The following JAKMIP2 variants were observed in gnomAD, a reference collection of about 807,000 sequenced individuals.
JAKMIP2 encodes the protein janus kinase and microtubule-interacting protein 2.
In JAKMIP2, 25 loss-of-function variants were observed where a neutral mutation model predicts 115.0. That is an observed-to-expected ratio of 0.22 (90% CI 0.16 to 0.30). The LOEUF (loss-of-function observed/expected upper bound fraction) is 0.30. Among genes scored for constraint, JAKMIP2 ranks in the 10% least tolerant of loss-of-function variants. The probability of loss-of-function intolerance (pLI) is 1.00; values close to 1 mark genes in which losing one functional copy is unlikely to be tolerated. For missense variants in JAKMIP2, 642 were observed against 957.6 expected (o/e 0.67, Z 4.35); for synonymous variants, 334 against 343.6 (o/e 0.97, Z 0.31).
At chr5:147,722,507 G>C (rs1753353870) in intron 1 of JAKMIP2, among the ~76,000 whole-genome samples, 2 of 152,130 alleles carry the variant, frequency 1.3e-5, no homozygotes, top group Admixed American at 1.3e-4. Context: ...GCACCAATGA[G>C]TTCCAAAATG....
At chr5:147,688,877 A>G (rs368647825) in intron 1 of JAKMIP2, among the ~76,000 whole-genome samples, 199 of 152,354 alleles carry the variant, frequency 1.3e-3, no homozygotes, top group African/African-American at 4.6e-3. Flanking sequence ...AATAAATAAA[A>G]CAGACATACA....
intron 10 of JAKMIP2, among the ~76,000 whole-genome samples, chr5:147,637,437 A>ATTTTTTTTGTTTTTTTTTTTTTTTTTTTT (rs1757673004): frequency 1.3e-5 from 1 of 79,340 alleles, no homozygotes; most frequent in African/African-American, 4.3e-5. Flanking sequence ...AATTCTTTTG[A>ATTTTTTTTGTTTTTTTTTTTTTTTTTTTT]TTTTTTTTTT....
intron 2 of JAKMIP2, among the ~76,000 whole-genome samples, chr5:147,666,850 AG>A (rs1201574753): frequency 1.3e-5 from 2 of 152,176 alleles, no homozygotes; most frequent in Admixed American, 6.5e-5. Flanking sequence ...AAAGCTCTTT[AG>A]AAAAGCTGGA....
At chr5:147,693,372 C>T (rs954855773) in intron 1 of JAKMIP2, among the ~76,000 whole-genome samples, 1 of 152,200 alleles carries the variant, frequency 6.6e-6, no homozygotes, top group Non-Finnish European at 1.5e-5. Context: ...AACCTCCATA[C>T]ATTTTCACCA....
chr5:147,671,669 C>G lies in JAKMIP2; in HGVS notation c.129+9G>C, dbSNP rs1759598150. 1 of 1,417,728 alleles carries G rather than the reference C, an allele frequency of 7.1e-7. No homozygotes were observed. The highest frequency in any genetic ancestry group is 1.7e-5 in the South Asian group (1 of 59,198). 87.8% of individuals were successfully genotyped at this position (1,417,728 alleles called of 1,614,324 possible). A position where few individuals can be genotyped will look rare whatever the true frequency, so the allele number is the denominator to read the frequency against. On this transcript the variant is annotated intron_variant, in intron 2 of 21. Coordinates refer to ENST00000616793, the MANE Select transcript of JAKMIP2 (RefSeq NM_001270941.2). ...CTTAATGCCACGACCTCAGGTAGCC[C>G]TCGCTCACCTTGGACTTCTCTTGAT...
rs188998947 is a variant in JAKMIP2, at chr5:147,684,973, A to G, written c.-148-13019T>C. Reference sequence around the variant, plus strand: ...CTTCATCATTCCACATCTTCTCTTTAGAGAGCACTTAGTGTGTGCTGACCA... The same window carrying G: ...CTTCATCATTCCACATCTTCTCTTTGGAGAGCACTTAGTGTGTGCTGACCA... On this transcript the variant is annotated intron_variant, in intron 1 of 21. Coordinates refer to ENST00000616793, the MANE Select transcript of JAKMIP2 (RefSeq NM_001270941.2). 1.9e-4 allele frequency among the ~76,000 whole-genome samples: 29 copies of G among 152,334 alleles called. 1 individual carries two copies. The highest frequency in any genetic ancestry group is 7.2e-4 in the Admixed American group (11 of 15,302).
intron 1 of JAKMIP2, among the ~76,000 whole-genome samples, chr5:147,696,503 T>C (rs187810004): frequency 3.3e-5 from 5 of 152,312 alleles, no homozygotes; most frequent in Middle Eastern, 3.4e-3. Context: ...GTGAGTCAAT[T>C]AAATCTCTTT....
Position 147,782,667 on chromosome 5 carries a change from A to AGCG in JAKMIP2, c.-361_-360insCGC, listed in dbSNP as rs1561592615. 34 of 561,424 alleles carry AGCG rather than the reference A, an allele frequency of 6.1e-5. 2 individuals are homozygous for AGCG. In the Admixed American group the frequency reaches 6.8e-4, roughly 11 times the overall value. The allele number at this position is 561,424 out of a possible 1,614,324, so 34.8% of individuals were successfully genotyped here. A position where few individuals can be genotyped will look rare whatever the true frequency, so the allele number is the denominator to read the frequency against. On this transcript the variant is annotated 5_prime_UTR_variant, in exon 1 of 22. Transcript: ENST00000616793. ...CAGCAATAGAGGCGGCGGCGGCGGC[A>AGCG]GCAGCAGCAGCAGCAGCATCACCAG...
chr5:147,677,799 C>T (rs552429890), intron 1 of JAKMIP2, among the ~76,000 whole-genome samples: 2 of 152,258 alleles, frequency 1.3e-5, no homozygotes, highest in East Asian at 1.9e-4. Flanking sequence ...TTATCATATG[C>T]ATTAACTCAC....
chr5:147,717,709 T>A (rs1290154142), intron 1 of JAKMIP2, among the ~76,000 whole-genome samples: 1 of 150,676 alleles, frequency 6.6e-6, no homozygotes, highest in East Asian at 2.0e-4. Flanking sequence ...ATCCTGAGAC[T>A]TTGCTGAAGT....
chr5:147,618,729 C>G (rs1361824955), intron 18 of JAKMIP2, among the ~76,000 whole-genome samples: 1 of 152,094 alleles, frequency 6.6e-6, no homozygotes, highest in African/African-American at 2.4e-5. Flanking sequence ...AAGAGTGAAA[C>G]TCCATCTCAA....
At chr5:147,691,521 T>C (rs1751858953) in intron 1 of JAKMIP2, among the ~76,000 whole-genome samples, 1 of 152,172 alleles carries the variant, frequency 6.6e-6, no homozygotes. Flanking sequence ...ACCTCACCTT[T>C]TATATGAAAA....
rs1381856618 is a variant in JAKMIP2 at position 147,605,919 on chromosome 5, T to C, written c.2413-4108A>G. Among the ~76,000 whole-genome samples, 5 of 152,242 alleles carry C rather than the reference T, an allele frequency of 3.3e-5. No homozygotes were observed. In the East Asian group the frequency reaches 9.6e-4, roughly 29 times the overall value. ...TATCTCATTGTGGTTTTAATTTGCA[T>C]TTCTCTAATGACCAGTGATGATGAG... On this transcript the variant is annotated intron_variant, in intron 20 of 21. Transcript: ENST00000616793.
chr5:147,612,388 A>G lies in JAKMIP2; in HGVS notation c.2347-17T>C. The G allele has an allele frequency of 6.8e-7, 1 of 1,477,960 alleles. No individual in the cohort carries two copies. The allele number at this position is 1,477,960 out of a possible 1,614,324, so 91.6% of individuals were successfully genotyped here. On this transcript the variant is annotated splice_polypyrimidine_tract_variant and intron_variant, in intron 19 of 21. Coordinates refer to ENST00000616793, the MANE Select transcript of JAKMIP2 (RefSeq NM_001270941.2). Reference sequence around the variant, plus strand: ...ACGAATTCTCTGAAGAAAGAAAAGAAAAGAAAGAAAGCATCAGTAGGTGGT... The same window carrying G: ...ACGAATTCTCTGAAGAAAGAAAAGAGAAGAAAGAAAGCATCAGTAGGTGGT...
intron 20 of JAKMIP2, among the ~76,000 whole-genome samples, chr5:147,606,952 G>A (rs1036014953): frequency 1.4e-4 from 21 of 152,308 alleles, no homozygotes; most frequent in Admixed American, 1.2e-3. Flanking sequence ...GTGAATGGGA[G>A]TTCACTCATG....
chr5:147,763,414 G>T (rs779902307), intron 1 of JAKMIP2, among the ~76,000 whole-genome samples: 10 of 152,050 alleles, frequency 6.6e-5, no homozygotes, highest in African/African-American at 1.2e-4. Flanking sequence ...CTGGCTACAC[G>T]CACACTGTTG....
intron 9 of JAKMIP2, 42 bp downstream of exon 9, chr5:147,640,662 G>A: frequency 6.3e-7 from 1 of 1,598,562 alleles, no homozygotes; most frequent in Non-Finnish European, 8.5e-7. Flanking sequence ...TCAAAGATTT[G>A]GTGACAATAT....
intron 18 of JAKMIP2, among the ~76,000 whole-genome samples, chr5:147,618,645 G>A (rs1296996429): frequency 6.6e-6 from 1 of 152,180 alleles, no homozygotes; most frequent in Non-Finnish European, 1.5e-5. Flanking sequence ...GGCTGAGACA[G>A]AAGAATCACT....
intron 1 of JAKMIP2, among the ~76,000 whole-genome samples, chr5:147,772,739 T>C (rs1023455018): frequency 1.3e-5 from 2 of 152,080 alleles, no homozygotes; most frequent in Admixed American, 1.3e-4. Context: ...GTAACCACTG[T>C]GCTACATAAT....
Sources: gnomAD v4.1 joint callset for allele counts (sites outside exome capture counted in the v4.1 genomes callset) on GRCh38, gnomAD v4.1.1 for gene constraint, MANE v1.5 for transcripts, NCBI Gene and HGNC (gene_info 2026-07-23, HGNC 2026-07-21) for gene names.